The following EIF4ENIF1 variants were observed in gnomAD, a reference collection of about 807,000 sequenced individuals.
The protein encoded by EIF4ENIF1 is eukaryotic translation initiation factor 4E transporter.
A neutral mutation model predicts 110.5 loss-of-function variants in EIF4ENIF1; 23 were observed. The ratio of observed to expected loss-of-function variants is 0.21; its 90% CI spans 0.15 to 0.29. EIF4ENIF1 has a LOEUF of 0.29. Ranked by LOEUF, EIF4ENIF1 falls within the 10% of genes least tolerant of loss-of-function variation. The pLI is 1.00. For synonymous variants in EIF4ENIF1, 440 were observed against 437.0 expected, an observed-to-expected ratio of 1.01 and a Z score of -0.09; for missense variants, 1,031 against 1,221.1, an observed-to-expected ratio of 0.84 and a Z score of 2.32.
At chr22:31,461,943 T>C (rs936263053) in intron 6 of EIF4ENIF1, 1 of 141,218 alleles carries the variant, frequency 7.1e-6, no homozygotes, top group African/African-American at 2.4e-5. Context: ...CATAAAAAAG[T>C]ACCTACACTG....
chr22:31,455,732 C>T, intron 8 of EIF4ENIF1, 120 bp downstream of exon 8: 1 of 1,330,222 alleles, frequency 7.5e-7, no homozygotes, highest in Admixed American at 2.2e-5. Flanking sequence ...AAATTGAAGG[C>T]TTTTCAGTTG....
chr22:31,471,375 T>C (rs900789758), intron 3 of EIF4ENIF1, among the ~76,000 whole-genome samples: 2 of 151,340 alleles, frequency 1.3e-5, no homozygotes, highest in Non-Finnish European at 2.9e-5. Flanking sequence ...AGTGCAGTAG[T>C]GCGATCTCAG....
At chr22:31,480,210 C>A (rs147621546) in intron 2 of EIF4ENIF1, among the ~76,000 whole-genome samples, 1 of 152,158 alleles carries the variant, frequency 6.6e-6, no homozygotes, top group Non-Finnish European at 1.5e-5. Flanking sequence ...GTTGCAGCAG[C>A]CTTCCTTAAA....
chr22:31,466,084 T>C (rs2051176285), intron 4 of EIF4ENIF1, among the ~76,000 whole-genome samples: 1 of 152,158 alleles, frequency 6.6e-6, no homozygotes, highest in South Asian at 2.1e-4. Flanking sequence ...AACACCAGCC[T>C]GGCCAACATA....
At chr22:31,489,603 C>G (rs1398614242) in intron 1 of EIF4ENIF1, 91 bp downstream of exon 1, 1 of 145,850 alleles carries the variant, frequency 6.9e-6, no homozygotes, top group Non-Finnish European at 1.5e-5. Flanking sequence ...CGCACGCGAC[C>G]CCGGGAGCAA....
chr22:31,437,639 T>C (rs2050192439), downstream of EIF4ENIF1: 1 of 152,132 alleles, frequency 6.6e-6, no homozygotes, highest in Non-Finnish European at 1.5e-5. Context: ...TAGCTTCTAG[T>C]CTGAAAAGGA....
rs2050406314 is a variant in EIF4ENIF1 at position 31,444,683 on chromosome 22, G to T, written c.1996C>A (p.Arg666=). 2 of 1,613,954 alleles carry T rather than the reference G, an allele frequency of 1.2e-6. No homozygotes were observed. Among genetic ancestry groups the T allele is most frequent in the African/African-American group, 2.7e-5 (2 of 75,030 alleles). The change falls in exon 15 of 19, where the codon CGA becomes AGA. Residue 666 remains arginine, a synonymous_variant. Coordinates refer to ENST00000330125, the MANE Select transcript of EIF4ENIF1 (RefSeq NM_019843.4). The part of the protein sequence containing the change: ...TRDGFRNRQQ[R]VTKSPAPVHR... ...ACGGGTGCTGGTGACTTGGTCACTCGCTGTTGCCTGTGAACAAACCAATTA... is the reference window on the plus strand; with the variant it reads ...ACGGGTGCTGGTGACTTGGTCACTCTCTGTTGCCTGTGAACAAACCAATTA...
chr22:31,447,947 A>T (rs146114009), intron 13 of EIF4ENIF1, among the ~76,000 whole-genome samples: 10 of 152,106 alleles, frequency 6.6e-5, no homozygotes, highest in Admixed American at 6.6e-4. Flanking sequence ...GCATGCCGCT[A>T]TACCTGGCTC....
intron 9 of EIF4ENIF1, 45 bp downstream of exon 9, chr22:31,455,091 C>G (rs1389471711): frequency 6.5e-7 from 1 of 1,531,152 alleles, no homozygotes; most frequent in African/African-American, 1.4e-5. Context: ...GACTGAACAT[C>G]TAGACCTTTT....
At chr22:31,450,146 C>G (rs776818052) in intron 11 of EIF4ENIF1, 143 bp downstream of exon 11, 8 of 686,864 alleles carry the variant, frequency 1.2e-5, no homozygotes, top group Non-Finnish European at 2.1e-5. Flanking sequence ...CAACACCAAA[C>G]TATGTCAGGC....
Position 31,441,997 on chromosome 22 carries a change from A to G in EIF4ENIF1, c.2328T>C (p.Arg776=). The G allele has an allele frequency of 6.2e-7, 1 of 1,614,110 alleles. No individual in the cohort carries two copies. The highest frequency in any genetic ancestry group is 2.2e-5 in the East Asian group (1 of 44,888). Residue 776 remains arginine, a synonymous_variant, in exon 17 of 19, where the codon CGT becomes CGC. Coordinates refer to ENST00000330125, the MANE Select transcript of EIF4ENIF1 (RefSeq NM_019843.4). ...SCSTPLSQAN[R]YTKEQDYRPK... is the part of the protein sequence containing the mutation. ...GTCGATAATCTTGTTCTTTGGTGTA[A>G]CGGTTGGCCTGGGACAGTGGGGTGG...
Position 31,454,293 on chromosome 22 carries a change from T to C in EIF4ENIF1, c.1363A>G (p.Thr455Ala), listed in dbSNP as rs772206984. The C allele has an allele frequency of 5.6e-6, 9 of 1,613,896 alleles. No homozygotes were observed. The highest frequency in any genetic ancestry group is 1.3e-5 in the African/African-American group (1 of 74,842). Residue 455 changes from threonine to alanine, a missense_variant, in exon 10 of 19, where the codon ACT (threonine) becomes GCT (alanine). Physicochemically the swap from Thr to Ala is moderately conservative, Grantham distance 58. Transcript: ENST00000330125. ...LKVDQQVKNS[T>A]PFMAEHLEET... ...TCTAGGTGTTCTGCCATGAAGGGAG[T>C]TGAATTCTTCACTTGCTGGTCAACC...
chr22:31,468,742 T>C (rs1309475672), intron 3 of EIF4ENIF1, among the ~76,000 whole-genome samples: 1 of 152,226 alleles, frequency 6.6e-6, no homozygotes, highest in African/African-American at 2.4e-5. Context: ...GCAGAATTGT[T>C]ACCTCTTTTA....
intron 4 of EIF4ENIF1, among the ~76,000 whole-genome samples, chr22:31,464,650 T>C (rs2051109984): frequency 1.0e-5 from 1 of 99,738 alleles, no homozygotes; most frequent in South Asian, 3.6e-4. Context: ...CACTGTAGCC[T>C]GGGCAAAAGA....
chr22:31,453,375 A>ATT, intron 10 of EIF4ENIF1: 1 of 355,806 alleles, frequency 2.8e-6, no homozygotes, highest in Admixed American at 3.4e-5. Flanking sequence ...AACCCATCTT[A>ATT]CTTTTTTTTT....
upstream of EIF4ENIF1, among the ~76,000 whole-genome samples, chr22:31,491,640 GCTCA>G (rs2052284805): frequency 6.6e-6 from 1 of 152,160 alleles, no homozygotes; most frequent in Non-Finnish European, 1.5e-5. Context: ...CACAATCATA[GCTCA>G]CTGCTCCAGC....
intron 14 of EIF4ENIF1, among the ~76,000 whole-genome samples, chr22:31,445,963 C>T (rs556310151): frequency 1.3e-5 from 2 of 148,806 alleles, no homozygotes; most frequent in Non-Finnish European, 3.0e-5. Flanking sequence ...GCCCCCCCCC[C>T]CCATCTACCT....
At chr22:31,464,561 C>T (rs1036863673) in intron 4 of EIF4ENIF1, among the ~76,000 whole-genome samples, 6 of 148,178 alleles carry the variant, frequency 4.0e-5, no homozygotes, top group Admixed American at 2.1e-4. Flanking sequence ...GCCTGTAATC[C>T]CAGTTACTTG....
At chr22:31,470,685 CTTTT>C (rs1174357066) in intron 3 of EIF4ENIF1, among the ~76,000 whole-genome samples, 445 of 122,046 alleles carry the variant, frequency 3.6e-3, no homozygotes, top group Non-Finnish European at 5.8e-3. Context: ...TTAAATAGGA[CTTTT>C]TTTTTTTTTT....
Sources: allele counts gnomAD v4.1 joint callset (sites outside exome capture counted in the v4.1 genomes callset), GRCh38; gene constraint gnomAD v4.1.1; transcripts MANE v1.5; gene names NCBI Gene and HGNC (gene_info 2026-07-23, HGNC 2026-07-21).